PDE11A: variants seen among roughly 807,000 people sequenced by gnomAD.
The protein encoded by PDE11A is dual 3',5'-cyclic-AMP and -GMP phosphodiesterase 11A.
Under a neutral mutation model 100.5 loss-of-function variants are expected in PDE11A, and 100 were observed. The observed-to-expected ratio is 1.00, with a 90% CI of 0.85 to 1.18. The LOEUF (loss-of-function observed/expected upper bound fraction) is 1.18. PDE11A is among the 50% of genes most tolerant of loss of function. PDE11A has a pLI of 0.00. For synonymous variants in PDE11A, 381 were observed against 420.8 expected, an observed-to-expected ratio of 0.91 and a Z score of 1.16; for missense variants, 1,141 against 1,152.6, an observed-to-expected ratio of 0.99 and a Z score of 0.15.
chr2:178,076,268 T>C (rs1394546919), upstream of PDE11A, among the ~76,000 whole-genome samples: 1 of 152,198 alleles, frequency 6.6e-6, no homozygotes, highest in Non-Finnish European at 1.5e-5. Context: ...GGAGACTTCC[T>C]ATTTGTATTT....
At chr2:178,044,183 C>G (rs754864235) in intron 1 of PDE11A, among the ~76,000 whole-genome samples, 1 of 151,836 alleles carries the variant, frequency 6.6e-6, no homozygotes, top group Non-Finnish European at 1.5e-5. Context: ...AAATATCTCC[C>G]CAAAAGCTTG....
Position 177,640,070 on chromosome 2 carries a change from C to T in PDE11A, c.2647-10508G>A, listed in dbSNP as rs1156703463. ...GGCCCCCTATTGTTGAAATCTATTT[C>T]CAGAGTTGCTAGTGACATCACTTAG... On this transcript the variant is annotated intron_variant, in intron 19 of 19. Transcript: ENST00000286063. Among the ~76,000 whole-genome samples, 17 of 152,152 alleles carry T rather than the reference C, an allele frequency of 1.1e-4. 1 individual carries two copies. Among genetic ancestry groups the T allele is most frequent in the Admixed American group, 9.8e-4 (15 of 15,280 alleles).
chr2:177,811,741 T>C (rs180678276), intron 9 of PDE11A, among the ~76,000 whole-genome samples: 61 of 152,124 alleles, frequency 4.0e-4, no homozygotes, highest in African/African-American at 1.2e-3. Context: ...AATTTTGTAT[T>C]TCTATGCCCT....
intron 2 of PDE11A, among the ~76,000 whole-genome samples, chr2:178,087,353 CAAA>C (rs1198466173): frequency 3.6e-5 from 3 of 82,776 alleles, no homozygotes; most frequent in Admixed American, 1.3e-4. Context: ...GACTCCAACT[CAAA>C]AAAAAAAAAA....
upstream of PDE11A, among the ~76,000 whole-genome samples, chr2:178,077,260 C>CTTTTTTTTTTTTTTTT (rs57259393): frequency 3.0e-5 from 3 of 98,650 alleles, no homozygotes; most frequent in African/African-American, 1.2e-4. Context: ...TTCTTTCTTT[C>CTTTTTTTTTTTTTTTT]TTTTTTTTTT....
chr2:177,961,260 GT>G lies in PDE11A; in HGVS notation c.1071+53041del, dbSNP rs572341042. Among the ~76,000 whole-genome samples the G allele has an allele frequency of 5.7e-3, 834 of 146,758 alleles. 7 individuals are homozygous for G. Among genetic ancestry groups the G allele is most frequent in the African/African-American group, 0.019 (750 of 40,282 alleles). On this transcript the variant is annotated intron_variant, in intron 2 of 19. Coordinates refer to ENST00000286063, the MANE Select transcript of PDE11A (RefSeq NM_016953.4). ...AGAGAATGTGAATTTTGGCCTCCAGGTTTTTTTTTTTAATCGGTGAGAATCT... is the reference window on the plus strand; with the variant it reads ...AGAGAATGTGAATTTTGGCCTCCAGGTTTTTTTTTTAATCGGTGAGAATCT...
chr2:177,844,702 T>C (rs889053529), intron 5 of PDE11A, among the ~76,000 whole-genome samples: 5 of 151,362 alleles, frequency 3.3e-5, no homozygotes, highest in African/African-American at 1.2e-4. Flanking sequence ...GCAGTATTTG[T>C]GTCCCTGGGT....
intron 6 of PDE11A, among the ~76,000 whole-genome samples, chr2:177,836,412 C>T (rs1428724116): frequency 6.6e-6 from 1 of 152,186 alleles, no homozygotes; most frequent in Non-Finnish European, 1.5e-5. Flanking sequence ...CTGTGTCTAG[C>T]TAATCTGATG....
At chr2:178,069,989 A>T (rs9288012) in intron 1 of PDE11A, among the ~76,000 whole-genome samples, 144,300 of 152,162 alleles carry the variant, frequency 0.95, 68,887 homozygotes, top group East Asian at 1. Flanking sequence ...AAGCATACAA[A>T]AAGGATGTGG....
chr2:177,964,894 G>T (rs2085679696), intron 2 of PDE11A, among the ~76,000 whole-genome samples: 1 of 152,160 alleles, frequency 6.6e-6, no homozygotes, highest in Non-Finnish European at 1.5e-5. Flanking sequence ...CCCAGTAATG[G>T]GGTTGCAGGG....
intron 5 of PDE11A, among the ~76,000 whole-genome samples, chr2:177,866,826 A>G (rs1039125028): frequency 3.3e-5 from 5 of 152,242 alleles, no homozygotes; most frequent in African/African-American, 1.2e-4. Context: ...TCATACAATC[A>G]TGGTACTTAA....
At chr2:177,919,851 A>C (rs892003961) in intron 2 of PDE11A, among the ~76,000 whole-genome samples, 2 of 152,180 alleles carry the variant, frequency 1.3e-5, no homozygotes, top group Non-Finnish European at 2.9e-5. Flanking sequence ...TATTAAATGA[A>C]ACGAGAAATA....
intron 1 of PDE11A, among the ~76,000 whole-genome samples, chr2:178,051,054 A>G (rs1206443718): frequency 9.7e-5 from 13 of 133,892 alleles, no homozygotes; most frequent in Admixed American, 3.3e-4. Flanking sequence ...ACACATAATT[A>G]ACAGATTCAC....
At chr2:177,773,381 A>G (rs74548876) in intron 9 of PDE11A, among the ~76,000 whole-genome samples, 7,243 of 152,210 alleles carry the variant, frequency 0.048, 618 homozygotes, top group African/African-American at 0.16. Flanking sequence ...TACAAACTTT[A>G]TAGTTTTATC....
At chr2:177,994,822 C>T (rs910445951) in intron 2 of PDE11A, among the ~76,000 whole-genome samples, 1 of 148,782 alleles carries the variant, frequency 6.7e-6, no homozygotes, top group African/African-American at 2.5e-5. Flanking sequence ...TTTTTAATTA[C>T]AAAAAGAAAT....
At chr2:178,060,223 T>C (rs1342540299) in intron 1 of PDE11A, among the ~76,000 whole-genome samples, 1 of 152,106 alleles carries the variant, frequency 6.6e-6, no homozygotes, top group Non-Finnish European at 1.5e-5. Context: ...GAGTGAGAAA[T>C]GAGCTTCCAT....
chr2:178,072,651 A>G lies in PDE11A; in HGVS notation c.-214T>C. The G allele has an allele frequency of 6.8e-7, 1 of 1,460,288 alleles. No individual in the cohort carries two copies. Among genetic ancestry groups the G allele is most frequent in the Admixed American group, 2.3e-5 (1 of 43,682 alleles). 90.5% of individuals were successfully genotyped at this position (1,460,288 alleles called of 1,614,324 possible). On this transcript the variant is annotated 5_prime_UTR_variant, in exon 1 of 20. Coordinates refer to ENST00000286063, the MANE Select transcript of PDE11A (RefSeq NM_016953.4). ...GCCGACCCCACCCCGTGGTCCTGCT[A>G]CTCCTGCTCCGCACAGGTGCCCAGC... is the stretch of plus-strand genomic sequence containing the variant.
chr2:178,091,294 T>C (rs544566398), intron 2 of PDE11A, among the ~76,000 whole-genome samples: 13 of 152,184 alleles, frequency 8.5e-5, no homozygotes, highest in African/African-American at 2.9e-4. Flanking sequence ...TGATCTCCAA[T>C]TCCTGGGCTC....
intron 7 of PDE11A, among the ~76,000 whole-genome samples, chr2:177,819,595 T>C (rs1337451258): frequency 5.3e-5 from 8 of 152,002 alleles, no homozygotes; most frequent in Non-Finnish European, 2.9e-5. Context: ...AAGAGAAAAA[T>C]TGGAAGCTGC....
Sources: allele counts gnomAD v4.1 joint callset (sites outside exome capture counted in the v4.1 genomes callset), GRCh38; gene constraint gnomAD v4.1.1; transcripts MANE v1.5; gene names NCBI Gene and HGNC (gene_info 2026-07-23, HGNC 2026-07-21).